The following ATG14 variants were observed in gnomAD, a reference collection of about 807,000 sequenced individuals.
ATG14 encodes autophagy related 14.
Under a neutral mutation model 60.4 loss-of-function variants are expected in ATG14, and 35 were observed. That is an observed-to-expected ratio of 0.58 (90% confidence interval 0.44 to 0.77). The LOEUF is 0.77. Ranked by LOEUF, ATG14 falls within the 30% of genes least tolerant of loss-of-function variation. ATG14 has a pLI of 0.00. For synonymous variants in ATG14, 234 were observed against 228.8 expected (o/e 1.02, Z -0.21); for missense variants, 647 against 626.3 (o/e 1.03, Z -0.35).
intron 5 of ATG14, among the ~76,000 whole-genome samples, chr14:55,384,933 C>G (rs1885097423): frequency 6.6e-6 from 1 of 152,200 alleles, no homozygotes; most frequent in Admixed American, 6.5e-5. Flanking sequence ...GGGGTGCCCT[C>G]TGGAACCTCT....
chr14:55,410,100 AG>A (rs1885548200), intron 1 of ATG14, among the ~76,000 whole-genome samples: 1 of 152,234 alleles, frequency 6.6e-6, no homozygotes, highest in Admixed American at 6.5e-5. Flanking sequence ...CCTGAACCAA[AG>A]GAACAATGAG....
intron 5 of ATG14, among the ~76,000 whole-genome samples, chr14:55,383,585 CA>C (rs202090086): frequency 6.7e-6 from 1 of 148,374 alleles, no homozygotes; most frequent in Non-Finnish European, 1.5e-5. Flanking sequence ...ACAACAACAA[CA>C]ACAAAAAAAA....
At chr14:55,372,308 C>T (rs1392116294) in intron 9 of ATG14, among the ~76,000 whole-genome samples, 1 of 152,064 alleles carries the variant, frequency 6.6e-6, no homozygotes, top group African/African-American at 2.4e-5. Flanking sequence ...CATCTGCCTC[C>T]TCTTGCTGGA....
At chr14:55,392,754 A>C (rs1471956450) in intron 3 of ATG14, among the ~76,000 whole-genome samples, 1 of 152,156 alleles carries the variant, frequency 6.6e-6, no homozygotes, top group Non-Finnish European at 1.5e-5. Context: ...CAATGCTCAA[A>C]TGTTCATGGT....
chr14:55,380,807 C>A (rs77790976), intron 6 of ATG14, 117 bp from the exon 7 acceptor site: 25,652 of 445,710 alleles, frequency 0.058, 891 homozygotes, highest in South Asian at 0.074. Context: ...TTTAGTGCTT[C>A]CTTAATAGAT....
At position 55,393,372 on chromosome 14, in the gene ATG14, G is replaced by A. The variant is rs201752812; in HGVS notation, c.328-2380C>T. Among the ~76,000 whole-genome samples the A allele has an allele frequency of 5.1e-4, 77 of 151,604 alleles. No individual in the cohort carries two copies. The East Asian group carries it at 0.011, about 21-fold the overall frequency. On this transcript the variant is annotated intron_variant, in intron 3 of 9. Coordinates refer to ENST00000247178, the MANE Select transcript of ATG14 (RefSeq NM_014924.5). ...TGCACTCCAGCCTGGGTGACAGAGCGAGACTCTGTCTCAAAAAAAAGAGGA... is the reference window on the plus strand; with the variant it reads ...TGCACTCCAGCCTGGGTGACAGAGCAAGACTCTGTCTCAAAAAAAAGAGGA...
chr14:55,410,512 A>G (rs1029059528), intron 1 of ATG14, among the ~76,000 whole-genome samples: 1 of 152,166 alleles, frequency 6.6e-6, no homozygotes, highest in African/African-American at 2.4e-5. Context: ...CAACAAAACT[A>G]AAAAAGAGTT....
chr14:55,367,377 G>A lies in ATG14; in HGVS notation c.*2242C>T, dbSNP rs1291755615. 1 of 152,216 alleles carries A rather than the reference G, an allele frequency of 6.6e-6. No individual in the cohort carries two copies. The highest frequency in any genetic ancestry group is 6.5e-5 in the Admixed American group (1 of 15,272). The allele number at this position is 152,216 out of a possible 1,614,324, so 9.4% of individuals were successfully genotyped here. A position where few individuals can be genotyped will look rare whatever the true frequency, so the allele number is the denominator to read the frequency against. On this transcript the variant is annotated 3_prime_UTR_variant, in exon 10 of 10. Coordinates refer to ENST00000247178, the MANE Select transcript of ATG14 (RefSeq NM_014924.5). ...TCACTCTCTACGAACTCCAGAACTGGATGGGAAAATGGAAGCCCAGCAATC... is the reference window on the plus strand; with the variant it reads ...TCACTCTCTACGAACTCCAGAACTGAATGGGAAAATGGAAGCCCAGCAATC...
intron 7 of ATG14, among the ~76,000 whole-genome samples, chr14:55,380,064 T>G (rs891159358): frequency 6.6e-6 from 1 of 152,042 alleles, no homozygotes; most frequent in African/African-American, 2.4e-5. Flanking sequence ...CTGGCCAACA[T>G]GGCAAAACCC....
At chr14:55,380,220 C>G (rs1455327823) in intron 7 of ATG14, among the ~76,000 whole-genome samples, 2 of 151,994 alleles carry the variant, frequency 1.3e-5, no homozygotes, top group Non-Finnish European at 2.9e-5. Context: ...TGCACTCTGG[C>G]CTGGGCGACA....
intron 1 of ATG14, among the ~76,000 whole-genome samples, chr14:55,407,329 C>T (rs896815660): frequency 6.6e-6 from 1 of 152,304 alleles, no homozygotes; most frequent in Non-Finnish European, 1.5e-5. Flanking sequence ...CGAGGTTTCA[C>T]CATGTTGGCC....
In ATG14 at chr14:55,369,841, G is replaced by A. The variant is rs375390476; in HGVS notation, c.1257C>T (p.Ser419=). Residue 419 remains serine, a synonymous_variant, in exon 10 of 10, where the codon AGC becomes AGT. Coordinates refer to ENST00000247178, the MANE Select transcript of ATG14 (RefSeq NM_014924.5). ...DPGVAGESDE[S]GDERVSDEET... is the part of the protein sequence containing the mutation. ...CTTCATCGCTGACGCGCTCATCTCC[G>A]CTCTCATCTGATTCTCCAGCAACTC... is the stretch of plus-strand genomic sequence containing the variant. 97 of 1,614,072 alleles carry A rather than the reference G, an allele frequency of 6.0e-5. No homozygotes were observed. Among genetic ancestry groups the A allele is most frequent in the Non-Finnish European group, 7.5e-5 (88 of 1,180,020 alleles).
intron 1 of ATG14, among the ~76,000 whole-genome samples, chr14:55,406,384 G>C (rs1034318740): frequency 6.6e-6 from 1 of 152,202 alleles, no homozygotes; most frequent in Non-Finnish European, 1.5e-5. Context: ...TTAACAAGTG[G>C]TTTTCTACAG....
At chr14:55,396,045 A>G in intron 2 of ATG14, 63 bp from the exon 3 acceptor site, 1 of 1,302,824 alleles carries the variant, frequency 7.7e-7, no homozygotes, top group South Asian at 1.4e-5. Context: ...AAGTTCAAAA[A>G]TGTAAAATCA....
intron 1 of ATG14, among the ~76,000 whole-genome samples, chr14:55,408,688 T>C (rs77142368): frequency 0.028 from 4,256 of 152,238 alleles, 217 homozygotes; most frequent in African/African-American, 0.097. Context: ...GGAGGATTGC[T>C]TGAGCCCAGG....
At chr14:55,384,019 G>T (rs952152551) in intron 5 of ATG14, among the ~76,000 whole-genome samples, 1 of 152,140 alleles carries the variant, frequency 6.6e-6, no homozygotes, top group Non-Finnish European at 1.5e-5. Context: ...CACAACATAC[G>T]TATAAGATAG....
In ATG14 at chr14:55,369,533, CTT is replaced by C; in HGVS notation, c.*84_*85del. The stretch of plus-strand genomic sequence containing the variant: ...TTAACCTCTTTGTTCCAGACACTAT[CTT>C]AACTTAAACAGAAAATGTTTACTAG... On this transcript the variant is annotated 3_prime_UTR_variant, in exon 10 of 10. Coordinates refer to ENST00000247178, the MANE Select transcript of ATG14 (RefSeq NM_014924.5). 1 of 1,268,154 alleles carries C rather than the reference CTT, an allele frequency of 7.9e-7. No homozygotes were observed. 78.6% of individuals were successfully genotyped at this position (1,268,154 alleles called of 1,614,324 possible). A position where few individuals can be genotyped will look rare whatever the true frequency, so the allele number is the denominator to read the frequency against.
Position 55,369,526 on chromosome 14 carries a change from A to C in ATG14, c.*93T>G, listed in dbSNP as rs1001736401. The C allele has an allele frequency of 8.3e-7, 1 of 1,201,348 alleles. No homozygotes were observed. Among genetic ancestry groups the C allele is most frequent in the Non-Finnish European group, 1.1e-6 (1 of 881,790 alleles). The allele number at this position is 1,201,348 out of a possible 1,614,324, so 74.4% of individuals were successfully genotyped here. ...CAACACTTTAACCTCTTTGTTCCAG[A>C]CACTATCTTAACTTAAACAGAAAAT... On this transcript the variant is annotated 3_prime_UTR_variant, in exon 10 of 10. Transcript: ENST00000247178.
chr14:55,382,283 C>A, intron 5 of ATG14, 92 bp from the exon 6 acceptor site: 2 of 1,120,382 alleles, frequency 1.8e-6, no homozygotes, highest in Admixed American at 2.1e-5. Flanking sequence ...CATCGAAAAG[C>A]TGCCTATGAG....
Sources: allele counts gnomAD v4.1 joint callset (sites outside exome capture counted in the v4.1 genomes callset), GRCh38; gene constraint gnomAD v4.1.1; transcripts MANE v1.5; gene names NCBI Gene and HGNC (gene_info 2026-07-23, HGNC 2026-07-21).